Variants in UNC5B observed in about 807,000 individuals in gnomAD.
UNC5B encodes unc-5 netrin receptor B.
Under a neutral mutation model 103.7 loss-of-function variants are expected in UNC5B, and 56 were observed. That is an observed-to-expected ratio of 0.54 (90% CI 0.44 to 0.67). UNC5B has a LOEUF of 0.67. Among genes scored for constraint, UNC5B ranks in the 30% least tolerant of loss-of-function variants. The pLI, the probability that UNC5B is intolerant of heterozygous loss-of-function variation, is 0.00. For synonymous variants in UNC5B, 577 were observed against 542.0 expected (o/e 1.06, Z -0.90); for missense variants, 1,194 against 1,284.5 (o/e 0.93, Z 1.08).
At chr10:71,228,739 G>A (rs1402921945) in intron 1 of UNC5B, among the ~76,000 whole-genome samples, 1 of 152,246 alleles carries the variant, frequency 6.6e-6, no homozygotes, top group Non-Finnish European at 1.5e-5. Context: ...AGCACCCGAG[G>A]GGCACCCACG....
chr10:71,283,448 G>T (rs974889304), intron 2 of UNC5B, among the ~76,000 whole-genome samples: 3 of 152,196 alleles, frequency 2.0e-5, no homozygotes, highest in African/African-American at 7.2e-5. Context: ...CCCAGCTGGG[G>T]TTTGAGGGTG....
Position 71,288,561 on chromosome 10 carries a change from C to G in UNC5B, c.902-7C>G, listed in dbSNP as rs1174377097. ...TGCACATGCTCCTGTATGCCATGCT[C>G]TTACAGTCGATGGGGCGTGGACGGA... is the stretch of plus-strand genomic sequence containing the variant. On this transcript the variant is annotated splice_polypyrimidine_tract_variant and splice_region_variant and intron_variant, in intron 6 of 16. Transcript: ENST00000335350. 3 of 1,611,156 alleles carry G rather than the reference C, an allele frequency of 1.9e-6. No individual in the cohort carries two copies. Among genetic ancestry groups the G allele is most frequent in the Middle Eastern group, 1.7e-4 (1 of 5,986 alleles).
chr10:71,260,838 T>C (rs948602977), intron 1 of UNC5B, among the ~76,000 whole-genome samples: 11 of 152,156 alleles, frequency 7.2e-5, no homozygotes, highest in African/African-American at 2.2e-4. Context: ...GTTTTCAGGC[T>C]GGGAGGAAAG....
At chr10:71,257,185 G>A (rs1564719645) in intron 1 of UNC5B, among the ~76,000 whole-genome samples, 1 of 152,120 alleles carries the variant, frequency 6.6e-6, no homozygotes, top group Non-Finnish European at 1.5e-5. Context: ...GGCCCTGAGG[G>A]GTGAGCACCC....
chr10:71,290,787 G>T (rs1400274477), intron 8 of UNC5B, 128 bp from the exon 9 acceptor site: 35 of 1,170,350 alleles, frequency 3.0e-5, no homozygotes, highest in Non-Finnish European at 4.1e-5. Context: ...TGTAGGCAGG[G>T]CTCAGACTGG....
At chr10:71,275,245 G>C (rs968396024) in intron 1 of UNC5B, among the ~76,000 whole-genome samples, 1 of 152,194 alleles carries the variant, frequency 6.6e-6, no homozygotes, top group Non-Finnish European at 1.5e-5. Context: ...GCCCAAACGA[G>C]TTCTACTCTT....
Position 71,293,396 on chromosome 10 carries a change from C to A in UNC5B, c.1773-9C>A. 1 of 1,609,334 alleles carries A rather than the reference C, an allele frequency of 6.2e-7. No homozygotes were observed. Among genetic ancestry groups the A allele is most frequent in the Non-Finnish European group, 8.5e-7 (1 of 1,177,202 alleles). ...CACTGCCTCTCTCCTACCCTGTGTC[C>A]TCCTCCAGCCCGCTTTCAGAAGGGA... On this transcript the variant is annotated splice_polypyrimidine_tract_variant and intron_variant, in intron 11 of 16. Transcript: ENST00000335350.
rs777192902 is a variant in UNC5B at position 71,291,455 on chromosome 10, T to G, written c.1318T>G (p.Ser440Ala). 6.2e-7 allele frequency: 1 copy of G among 1,612,270 alleles called. No homozygotes were observed. Among genetic ancestry groups the G allele is most frequent in the South Asian group, 1.1e-5 (1 of 90,784 alleles). ...AGGCAACCCGCAGCTCCTACACCCC[T>G]CTGTGCCTCCTGACCTGACAGCCAG... Reference protein sequence around the residue: ...RPSNPQLLHPSVPPDLTASAG... With the variant: ...RPSNPQLLHPAVPPDLTASAG... Residue 440 changes from serine (S) to alanine (A), a missense_variant, in exon 10 of 17, where the codon TCT becomes GCT. Coordinates refer to ENST00000335350, the MANE Select transcript of UNC5B (RefSeq NM_170744.5).
At chr10:71,232,405 A>G (rs1359231018) in intron 1 of UNC5B, among the ~76,000 whole-genome samples, 1 of 152,250 alleles carries the variant, frequency 6.6e-6, no homozygotes, top group Non-Finnish European at 1.5e-5. Context: ...AGCCGATTGC[A>G]GAGGGAGTGC....
intron 1 of UNC5B, among the ~76,000 whole-genome samples, chr10:71,269,171 A>T (rs1844588225): frequency 6.6e-6 from 1 of 152,126 alleles, no homozygotes; most frequent in East Asian, 1.9e-4. Context: ...CATGCATCTA[A>T]AAAAGTCAGA....
intron 6 of UNC5B, 42 bp from the exon 7 acceptor site, chr10:71,288,524 CAT>C (rs1299108337): frequency 2.5e-6 from 4 of 1,592,158 alleles, no homozygotes; most frequent in Non-Finnish European, 3.4e-6. Flanking sequence ...TATGTGTGCA[CAT>C]GTCTCTGCGT....
intron 1 of UNC5B, among the ~76,000 whole-genome samples, chr10:71,226,116 C>G (rs1843558126): frequency 6.6e-6 from 1 of 152,034 alleles, no homozygotes; most frequent in South Asian, 2.1e-4. Context: ...GCTCTATCAC[C>G]CAGGCTGGAG....
chr10:71,297,768 C>T, intron 15 of UNC5B, 141 bp from the exon 16 acceptor site: 1 of 948,438 alleles, frequency 1.1e-6, no homozygotes, highest in Non-Finnish European at 1.5e-6. Flanking sequence ...AAGGGAGAAG[C>T]CCCTGCCTGA....
intron 1 of UNC5B, among the ~76,000 whole-genome samples, chr10:71,243,785 A>G (rs925700686): frequency 7.2e-5 from 11 of 152,250 alleles, no homozygotes; most frequent in Admixed American, 7.2e-4. Flanking sequence ...TCACTGGGTG[A>G]ATACTACTTT....
intron 1 of UNC5B, among the ~76,000 whole-genome samples, chr10:71,265,830 C>A (rs1380328151): frequency 6.6e-6 from 1 of 152,300 alleles, no homozygotes; most frequent in African/African-American, 2.4e-5. Flanking sequence ...CACCACCCCA[C>A]CCCCACTGCT....
intron 8 of UNC5B, among the ~76,000 whole-genome samples, chr10:71,290,356 G>A (rs34429860): frequency 0.024 from 3,622 of 152,258 alleles, 67 homozygotes; most frequent in Non-Finnish European, 0.039. Context: ...CTTCCCACAT[G>A]CTCACCTCTT....
At chr10:71,229,572 C>G (rs1331664027) in intron 1 of UNC5B, among the ~76,000 whole-genome samples, 1 of 152,198 alleles carries the variant, frequency 6.6e-6, no homozygotes, top group Non-Finnish European at 1.5e-5. Flanking sequence ...ACCCTCCTTC[C>G]CATCACGGCC....
chr10:71,281,692 C>G (rs1446488468), intron 2 of UNC5B, among the ~76,000 whole-genome samples: 1 of 152,198 alleles, frequency 6.6e-6, no homozygotes, highest in African/African-American at 2.4e-5. Context: ...TCCAGCTGCC[C>G]CCACTCTTTT....
At chr10:71,244,014 G>A (rs908923034) in intron 1 of UNC5B, among the ~76,000 whole-genome samples, 3 of 152,260 alleles carry the variant, frequency 2.0e-5, no homozygotes, top group Admixed American at 1.3e-4. Context: ...GCACCTGGGT[G>A]TGTCTGTCTG....
Sources: allele counts gnomAD v4.1 joint callset (sites outside exome capture counted in the v4.1 genomes callset), GRCh38; gene constraint gnomAD v4.1.1; transcripts MANE v1.5; gene names NCBI Gene and HGNC (gene_info 2026-07-23, HGNC 2026-07-21).